PCMTD1: variants seen among roughly 807,000 people sequenced by gnomAD.
The protein encoded by PCMTD1 is protein-L-isoaspartate (D-aspartate) O-methyltransferase domain containing 1, also known as protein-L-isoaspartate O-methyltransferase domain-containing protein 1.
In PCMTD1, 12 loss-of-function variants were observed where a neutral mutation model predicts 37.6. The ratio of observed to expected loss-of-function variants is 0.32; its 90% confidence interval spans 0.20 to 0.52. The LOEUF (loss-of-function observed/expected upper bound fraction) is 0.52, where lower values mean the gene tolerates loss of function less well. Among genes scored for constraint, PCMTD1 ranks in the 20% least tolerant of loss-of-function variants. PCMTD1 has a pLI of 0.97. For synonymous variants in PCMTD1, 117 were observed against 135.8 expected (o/e 0.86, Z 0.96); for missense variants, 235 against 421.3 (o/e 0.56, Z 3.87).
At chr8:51,828,075 T>A (rs2037947213) in intron 5 of PCMTD1, among the ~76,000 whole-genome samples, 1 of 152,172 alleles carries the variant, frequency 6.6e-6, no homozygotes, top group South Asian at 2.1e-4. Flanking sequence ...GATAAAAAAA[T>A]GGAATGACTA....
chr8:51,824,330 A>T (rs1219176197), intron 5 of PCMTD1, among the ~76,000 whole-genome samples: 1 of 152,236 alleles, frequency 6.6e-6, no homozygotes, highest in Non-Finnish European at 1.5e-5. Context: ...CCTTAAGCTG[A>T]TTAGCAACTT....
intron 1 of PCMTD1, among the ~76,000 whole-genome samples, chr8:51,896,878 T>C (rs1228293319): frequency 1.1e-5 from 1 of 89,752 alleles, no homozygotes; most frequent in Non-Finnish European, 3.0e-5. Context: ...AAACACGCAC[T>C]ATTACAAAAA....
chr8:51,860,789 AC>A (rs1346436920), intron 2 of PCMTD1, 55 bp downstream of exon 2: 17 of 1,377,972 alleles, frequency 1.2e-5, no homozygotes, highest in Non-Finnish European at 1.7e-5. Flanking sequence ...TAAATCATAA[AC>A]CATAATACAA....
chr8:51,889,865 C>CGTGT (rs3075018), intron 1 of PCMTD1, among the ~76,000 whole-genome samples: 1,972 of 149,114 alleles, frequency 0.013, 25 homozygotes, highest in South Asian at 0.029. Flanking sequence ...TAAGGATATA[C>CGTGT]GTGTGTGTGT....
intron 1 of PCMTD1, among the ~76,000 whole-genome samples, chr8:51,879,588 TCTC>T (rs1215717575): frequency 6.6e-6 from 1 of 152,040 alleles, no homozygotes; most frequent in Non-Finnish European, 1.5e-5. Context: ...GTCAACAGGT[TCTC>T]CTCAATTAAA....
At chr8:51,872,221 C>T (rs1254034278) in intron 1 of PCMTD1, among the ~76,000 whole-genome samples, 1 of 141,244 alleles carries the variant, frequency 7.1e-6, no homozygotes, top group Non-Finnish European at 1.5e-5. Flanking sequence ...CTCCCTTTTA[C>T]TCAACACAAG....
intron 1 of PCMTD1, among the ~76,000 whole-genome samples, chr8:51,871,577 T>A (rs1488838034): frequency 6.6e-6 from 1 of 152,198 alleles, no homozygotes; most frequent in Non-Finnish European, 1.5e-5. Context: ...TTAGCAAAAA[T>A]TGTCTTGTAA....
intron 5 of PCMTD1, among the ~76,000 whole-genome samples, chr8:51,830,162 TCCA>T (rs2037979201): frequency 6.6e-6 from 1 of 152,158 alleles, no homozygotes; most frequent in Non-Finnish European, 1.5e-5. Flanking sequence ...TAATCCATTT[TCCA>T]CCATTTTATC....
At chr8:51,842,688 T>G (rs2129279662) in intron 3 of PCMTD1, among the ~76,000 whole-genome samples, 1 of 152,272 alleles carries the variant, frequency 6.6e-6, no homozygotes, top group East Asian at 1.9e-4. Flanking sequence ...GCATATGGAT[T>G]TTACCCCCTC....
intron 5 of PCMTD1, chr8:51,827,027 G>A (rs551983078): frequency 2.4e-5 from 23 of 967,534 alleles, no homozygotes; most frequent in South Asian, 1.4e-4. Context: ...TTTTGGAGTC[G>A]CGTTCTTTCA....
intron 2 of PCMTD1, among the ~76,000 whole-genome samples, chr8:51,851,314 T>A (rs2038304092): frequency 1.3e-5 from 2 of 152,224 alleles, no homozygotes; most frequent in African/African-American, 4.8e-5. Context: ...CTCTCTTTTA[T>A]CATACATGAA....
chr8:51,897,153 T>C (rs1326955917), intron 1 of PCMTD1, among the ~76,000 whole-genome samples: 2 of 152,228 alleles, frequency 1.3e-5, no homozygotes, highest in Admixed American at 6.5e-5. Flanking sequence ...TCAGTTGTTC[T>C]TTCCCTGGAA....
intron 1 of PCMTD1, among the ~76,000 whole-genome samples, chr8:51,892,355 T>C (rs371308505): frequency 3.9e-5 from 6 of 152,196 alleles, no homozygotes; most frequent in African/African-American, 1.2e-4. Flanking sequence ...GAGTGGACCA[T>C]TGGTCATGGC....
At chr8:51,874,754 T>C (rs892543927) in intron 1 of PCMTD1, among the ~76,000 whole-genome samples, 1 of 152,210 alleles carries the variant, frequency 6.6e-6, no homozygotes, top group African/African-American at 2.4e-5. Context: ...CATTTGGATA[T>C]TTAAATTTTT....
chr8:51,884,786 C>A (rs939841069), intron 1 of PCMTD1, among the ~76,000 whole-genome samples: 1 of 152,150 alleles, frequency 6.6e-6, no homozygotes, highest in African/African-American at 2.4e-5. Context: ...TCTATGGTAT[C>A]CTAGAGGATA....
intron 1 of PCMTD1, among the ~76,000 whole-genome samples, chr8:51,891,323 G>A (rs1043207009): frequency 6.6e-6 from 1 of 152,156 alleles, no homozygotes; most frequent in African/African-American, 2.4e-5. Flanking sequence ...GACAAGGCAG[G>A]AGGATGGCTT....
At chr8:51,860,674 A>C in intron 2 of PCMTD1, 171 bp downstream of exon 2, 2 of 581,282 alleles carry the variant, frequency 3.4e-6, no homozygotes, top group Admixed American at 3.2e-5. Flanking sequence ...AGGACTCGGA[A>C]TGAAAAAAGA....
intron 5 of PCMTD1, among the ~76,000 whole-genome samples, chr8:51,825,891 T>C (rs2129273628): frequency 6.6e-6 from 1 of 152,268 alleles, no homozygotes; most frequent in South Asian, 2.1e-4. Flanking sequence ...AGGAACACTT[T>C]TACACTGTTG....
rs908689002 is a variant in PCMTD1, at chr8:51,898,918, C to T, written c.-96+12G>A. 7 of 1,326,384 alleles carry T rather than the reference C, an allele frequency of 5.3e-6. No individual in the cohort carries two copies. The highest frequency in any genetic ancestry group is 6.7e-6 in the Non-Finnish European group (7 of 1,040,458). The allele number at this position is 1,326,384 out of a possible 1,614,324, so 82.2% of individuals were successfully genotyped here. ...CCCCACGACCCCGAGCCCCCACTGG[C>T]GGCGGCGTTACCTGTGGCGCGGGCA... On this transcript the variant is annotated intron_variant, in intron 1 of 5. Transcript: ENST00000522514.
Sources: allele counts gnomAD v4.1 joint callset (sites outside exome capture counted in the v4.1 genomes callset), GRCh38; gene constraint gnomAD v4.1.1; transcripts MANE v1.5; gene names NCBI Gene and HGNC (gene_info 2026-07-23, HGNC 2026-07-21).